Variants in DDX60L observed in about 807,000 individuals in gnomAD.
DDX60L encodes the protein DExD/H-box 60 like.
A neutral mutation model predicts 211.6 loss-of-function variants in DDX60L; 191 were observed. That is an observed-to-expected ratio of 0.90 (90% CI 0.80 to 1.02). The LOEUF (loss-of-function observed/expected upper bound fraction) is 1.02, where lower values mean the gene tolerates loss of function less well. DDX60L is among the 50% of genes least tolerant of loss of function. The probability of loss-of-function intolerance (pLI) is 0.00; values close to 1 mark genes in which losing one functional copy is unlikely to be tolerated. For synonymous variants in DDX60L, 706 were observed against 694.1 expected (o/e 1.02, Z -0.27); for missense variants, 2,007 against 1,984.1 (o/e 1.01, Z -0.22).
At chr4:168,423,500 A>G in intron 15 of DDX60L, 108 bp downstream of exon 15, 2 of 727,564 alleles carry the variant, frequency 2.7e-6, no homozygotes, top group Non-Finnish European at 4.2e-6. Flanking sequence ...GAGTAAACAT[A>G]GTCAATTGAT....
At chr4:168,470,088 T>C (rs561606366) in intron 4 of DDX60L, 1 of 152,172 alleles carries the variant, frequency 6.6e-6, no homozygotes. Flanking sequence ...GGCAACATCA[T>C]TAGCCATTTG....
Position 168,416,755 on chromosome 4 carries a change from G to T in DDX60L, c.2653C>A (p.Leu885Ile), listed in dbSNP as rs749721848. ...GREVGAKFWE[L>I]LLVIIRCPFL... The stretch of plus-strand genomic sequence containing the variant: ...GGACATCGAATAATGACAAGGAGGA[G>T]CTCCCAAAATTTTGCTCCAACTTCT... The change falls in exon 20 of 38, where the codon CTC (leucine) becomes ATC (isoleucine). Residue 885 changes from leucine (L) to isoleucine (I), a missense_variant. Leu to Ile is a conservative substitution (Grantham distance 5). Transcript: ENST00000682922. 1.2e-6 allele frequency: 2 copies of T among 1,606,382 alleles called. No individual in the cohort carries two copies. Among genetic ancestry groups the T allele is most frequent in the South Asian group, 2.2e-5 (2 of 89,428 alleles).
At chr4:168,366,597 C>G (rs1335870639) in intron 36 of DDX60L, among the ~76,000 whole-genome samples, 4 of 146,444 alleles carry the variant, frequency 2.7e-5, no homozygotes, top group African/African-American at 5.0e-5. Flanking sequence ...CATTAAAATA[C>G]CAATGACATT....
In DDX60L at chr4:168,379,457, T is replaced by C. The variant is rs1742539820; in HGVS notation, c.4269A>G (p.Ala1423=). 6.3e-7 allele frequency: 1 copy of C among 1,591,086 alleles called. No homozygotes were observed. The highest frequency in any genetic ancestry group is 8.5e-7 in the Non-Finnish European group (1 of 1,173,778). The stretch of plus-strand genomic sequence containing the variant: ...AAGGTTCATGACCATGCAAATATGA[T>C]GCAAGTCCTGCAAATTTCTTTGGAT... ...KGNPKKFAGL[A]SYLHGHEPSN... Residue 1423 remains alanine (A), a synonymous_variant, in exon 32 of 38, where the codon GCA becomes GCG. Transcript: ENST00000682922.
At position 168,453,173 on chromosome 4, in the gene DDX60L, C is replaced by A; in HGVS notation, c.947G>T (p.Arg316Leu). The A allele has an allele frequency of 6.2e-7, 1 of 1,613,128 alleles. No homozygotes were observed. Among genetic ancestry groups the A allele is most frequent in the East Asian group, 2.2e-5 (1 of 44,868 alleles). The change falls in exon 8 of 38, where the codon CGA (arginine) becomes CTA (leucine). Residue 316 changes from arginine (R) to leucine (L), a missense_variant. Coordinates refer to ENST00000682922, the MANE Select transcript of DDX60L (RefSeq NM_001012967.3). ...HLPLSQRACS[R>L]VITCSWIRNS... is the part of the protein sequence containing the mutation. ...CCTAATCCAAGAGCATGTGATGACT[C>A]GAGAACAAGCTCTCTGAGAAAGGGG...
At chr4:168,416,143 T>C (rs1565267) in intron 20 of DDX60L, among the ~76,000 whole-genome samples, 16,945 of 152,214 alleles carry the variant, frequency 0.11, 1,315 homozygotes, top group East Asian at 0.16. Context: ...AAAAATCAAG[T>C]CTGGTAACAA....
intron 29 of DDX60L, among the ~76,000 whole-genome samples, chr4:168,386,116 T>G (rs1365144778): frequency 6.6e-6 from 1 of 152,120 alleles, no homozygotes; most frequent in Non-Finnish European, 1.5e-5. Context: ...GGATTCAAAC[T>G]TCTTCAGTTC....
intron 4 of DDX60L, chr4:168,470,797 G>A (rs1021933913): frequency 1.3e-5 from 3 of 224,426 alleles, no homozygotes; most frequent in African/African-American, 2.4e-5. Flanking sequence ...CCGAGATCAC[G>A]GCATTGCACT....
At chr4:168,466,771 G>A (rs1359561647) in intron 4 of DDX60L, among the ~76,000 whole-genome samples, 1 of 152,160 alleles carries the variant, frequency 6.6e-6, no homozygotes, top group Non-Finnish European at 1.5e-5. Flanking sequence ...GAGTATCCAG[G>A]TGATGGATAT....
At chr4:168,421,541 G>C (rs1049731695) in intron 17 of DDX60L, among the ~76,000 whole-genome samples, 1 of 152,082 alleles carries the variant, frequency 6.6e-6, no homozygotes, top group Admixed American at 6.6e-5. Flanking sequence ...TATAATCCCA[G>C]CTACTCATGA....
In DDX60L at chr4:168,396,130, AT is replaced by A. The variant is rs775892016; in HGVS notation, c.3492-7del. 6.8e-6 allele frequency: 9 copies of A among 1,318,970 alleles called. No homozygotes were observed. Among genetic ancestry groups the A allele is most frequent in the South Asian group, 1.5e-5 (1 of 67,136 alleles). The allele number at this position is 1,318,970 out of a possible 1,614,324, so 81.7% of individuals were successfully genotyped here. A position where few individuals can be genotyped will look rare whatever the true frequency, so the allele number is the denominator to read the frequency against. ...TCTTTGGGTTTTTTTTAGTGCTACT[AT>A]TTAAAAAAAAAAAAAAACTTTTAAG... On this transcript the variant is annotated splice_polypyrimidine_tract_variant and splice_region_variant and intron_variant, in intron 26 of 37. Transcript: ENST00000682922.
Position 168,406,039 on chromosome 4 carries a change from T to A in DDX60L, c.3124A>T (p.Ile1042Leu). ...PEEFILFKNK[I>L]VIKKLDARKY... ...CTAGCATCCAACTTCTTAATGACTA[T>A]CTTATTCTTAAAAAGAATGAATTCC... Residue 1042 changes from isoleucine to leucine, a missense_variant, in exon 24 of 38, where the codon ATA becomes TTA. Transcript: ENST00000682922. The A allele has an allele frequency of 6.2e-7, 1 of 1,601,468 alleles. No individual in the cohort carries two copies. The highest frequency in any genetic ancestry group is 1.3e-5 in the African/African-American group (1 of 74,520).
intron 36 of DDX60L, among the ~76,000 whole-genome samples, chr4:168,363,190 G>GAATA (rs1739393916): frequency 6.6e-6 from 1 of 152,078 alleles, no homozygotes; most frequent in East Asian, 1.9e-4. Flanking sequence ...AGTCAGTCAA[G>GAATA]AATACTACAT....
At chr4:168,457,865 T>C (rs1316918273) in intron 6 of DDX60L, 27 bp downstream of exon 6, 1 of 1,397,280 alleles carries the variant, frequency 7.2e-7, no homozygotes, top group East Asian at 2.5e-5. Context: ...ATCAAACTTT[T>C]ATTTAAAGAA....
intron 4 of DDX60L, chr4:168,468,952 C>T (rs10032452): frequency 0.72 from 109,435 of 152,080 alleles, 40,648 homozygotes; most frequent in East Asian, 0.88. Flanking sequence ...ACTGATAAAA[C>T]AAATTAGAGA....
In DDX60L at chr4:168,430,276, C is replaced by A. The variant is rs140335091; in HGVS notation, c.1677+202G>T. ...GCCACCACAGTTTCTGTACAGCCTG[C>A]AGAACTGTGAGCCAATTAAACCTTT... On this transcript the variant is annotated intron_variant, in intron 13 of 37. Coordinates refer to ENST00000682922, the MANE Select transcript of DDX60L (RefSeq NM_001012967.3). Among the ~76,000 whole-genome samples the A allele has an allele frequency of 2.8e-3, 425 of 152,256 alleles. 2 individuals carry two copies. Among genetic ancestry groups the A allele is most frequent in the African/African-American group, 9.4e-3 (390 of 41,532 alleles).
intron 25 of DDX60L, among the ~76,000 whole-genome samples, 184 bp from the exon 26 acceptor site, chr4:168,401,162 C>T (rs1197976650): frequency 6.6e-6 from 1 of 152,134 alleles, no homozygotes; most frequent in Admixed American, 6.5e-5. Context: ...ACATACCTCT[C>T]GATACTCTCC....
At position 168,461,999 on chromosome 4, in the gene DDX60L, T is replaced by C. The variant is rs1579818427; in HGVS notation, c.306A>G (p.Ser102=). 3 of 1,611,092 alleles carry C rather than the reference T, an allele frequency of 1.9e-6. No homozygotes were observed. Among genetic ancestry groups the C allele is most frequent in the East Asian group, 4.5e-5 (2 of 44,810 alleles). Residue 102 remains serine, a synonymous_variant, in exon 5 of 38, where the codon TCA becomes TCG. Transcript: ENST00000682922. The part of the protein sequence containing the change: ...YAYFDFPELL[S]LRTALILHLQ... The stretch of plus-strand genomic sequence containing the variant: ...GGTGGAGAATTAAAGCGGTCCTCAA[T>C]GAAAGAAGTTCAGGAAAATCAAAAT...
At chr4:168,414,329 C>G (rs77671901) in intron 22 of DDX60L, among the ~76,000 whole-genome samples, 2,179 of 152,170 alleles carry the variant, frequency 0.014, 23 homozygotes, top group Middle Eastern at 0.044. Context: ...AATATTATAA[C>G]ATTGTAATTG....
Sources: allele counts gnomAD v4.1 joint callset (sites outside exome capture counted in the v4.1 genomes callset), GRCh38; gene constraint gnomAD v4.1.1; transcripts MANE v1.5; gene names NCBI Gene and HGNC (gene_info 2026-07-23, HGNC 2026-07-21).